EXOC3L4: variants seen among roughly 807,000 people sequenced by gnomAD.
The protein encoded by EXOC3L4 is exocyst complex component 3 like 4, also known as exocyst complex component 3-like protein 4.
EXOC3L4 carries 62 observed loss-of-function variants against 69.7 expected under a neutral mutation model. The ratio of observed to expected loss-of-function variants is 0.89; its 90% CI spans 0.72 to 1.10. EXOC3L4 has a LOEUF of 1.10. Ranked by LOEUF, EXOC3L4 falls within the 50% of genes least tolerant of loss-of-function variation. The probability of loss-of-function intolerance (pLI) is 0.00; values close to 1 mark genes in which losing one functional copy is unlikely to be tolerated. For synonymous variants in EXOC3L4, 502 were observed against 464.2 expected (o/e 1.08, Z -1.05); for missense variants, 1,087 against 1,034.8 (o/e 1.05, Z -0.69).
rs924125667 is a variant in EXOC3L4, at chr14:103,102,710, C to G, written c.987C>G (p.Arg329=). The G allele has an allele frequency of 7.5e-6, 11 of 1,459,662 alleles. No individual in the cohort carries two copies. The African/African-American group carries it at 1.6e-4, about 22-fold the overall frequency. The allele number at this position is 1,459,662 out of a possible 1,614,324, so 90.4% of individuals were successfully genotyped here. A position where few individuals can be genotyped will look rare whatever the true frequency, so the allele number is the denominator to read the frequency against. The change falls in exon 3 of 12, where the codon CGC becomes CGG. Residue 329 remains arginine (R), a synonymous_variant. Transcript: ENST00000688303. ...CCCAGCGCCTCCAGGAGCTCGCGCG[C>G]GACGCCCGCGGCTGCGAGCAGCTCT... ...AVAQRLQELA[R]DARGCEQLYI... is the part of the protein sequence containing the mutation.
intron 3 of EXOC3L4, chr14:103,103,674 T>G: frequency 1.1e-5 from 5 of 446,402 alleles, no homozygotes; most frequent in East Asian, 4.5e-5. Context: ...CTGAGCTGTG[T>G]TTGAGGAGAG....
chr14:103,104,544 C>T (rs1347639022), intron 5 of EXOC3L4, 155 bp downstream of exon 5: 3 of 1,320,576 alleles, frequency 2.3e-6, no homozygotes, highest in Non-Finnish European at 3.0e-6. Flanking sequence ...GGACCCCCGG[C>T]GCGCCGACGG....
Position 103,110,475 on chromosome 14 carries a change from G to GC in EXOC3L4, c.*254dup. On this transcript the variant is annotated 3_prime_UTR_variant, in exon 12 of 12. Coordinates refer to ENST00000688303, the MANE Select transcript of EXOC3L4 (RefSeq NM_001077594.2). The stretch of plus-strand genomic sequence containing the variant: ...AATGCTGCCTATCGGGCGGGGGGGG[G>GC]CCTCCCGCCCGACTGTCCAGCTTCA... 3.4e-6 allele frequency: 2 copies of GC among 580,282 alleles called. No individual in the cohort carries two copies. Among genetic ancestry groups the GC allele is most frequent in the Non-Finnish European group, 3.1e-6 (1 of 318,918 alleles). 35.9% of individuals were successfully genotyped at this position (580,282 alleles called of 1,614,324 possible).
chr14:103,107,755 A>G lies in EXOC3L4; in HGVS notation c.1826A>G (p.Gln609Arg). The G allele has an allele frequency of 6.5e-7, 1 of 1,539,062 alleles. No homozygotes were observed. The highest frequency in any genetic ancestry group is 2.0e-5 in the Admixed American group (1 of 50,140). Reference protein sequence around the residue: ...HGSQKMSLDAQAISDTFQGLG... With the variant: ...HGSQKMSLDARAISDTFQGLG... ...TCCCAGAAGATGAGCCTGGATGCCC[A>G]GGCCATCAGCGACACCTTCCAGGGC... Residue 609 changes from glutamine (Q) to arginine (R), a missense_variant, in exon 10 of 12, where the codon CAG becomes CGG. Gln to Arg is a conservative substitution (Grantham distance 43). Coordinates refer to ENST00000688303, the MANE Select transcript of EXOC3L4 (RefSeq NM_001077594.2).
intron 1 of EXOC3L4, among the ~76,000 whole-genome samples, chr14:103,095,043 A>T (rs1301417798): frequency 6.6e-6 from 1 of 152,232 alleles, no homozygotes; most frequent in Non-Finnish European, 1.5e-5. Context: ...GCACAGATAG[A>T]CAGACACAGA....
chr14:103,104,380 C>T lies in EXOC3L4; in HGVS notation c.1275C>T (p.Asp425=). 6.3e-7 allele frequency: 1 copy of T among 1,579,768 alleles called. No homozygotes were observed. Among genetic ancestry groups the T allele is most frequent in the Non-Finnish European group, 8.6e-7 (1 of 1,164,528 alleles). ...QGLYQAPLSM[D]VHMLVAEHVK... ...TCTACCAGGCGCCGCTGTCCATGGA[C>T]GTCCATATGGTGCGGCCCGGGAGCA... The change falls in exon 5 of 12, where the codon GAC becomes GAT. Residue 425 remains aspartate (D), a synonymous_variant. Coordinates refer to ENST00000688303, the MANE Select transcript of EXOC3L4 (RefSeq NM_001077594.2).
chr14:103,098,099 G>A (rs1889979860), intron 1 of EXOC3L4, among the ~76,000 whole-genome samples: 1 of 152,100 alleles, frequency 6.6e-6, no homozygotes, highest in Non-Finnish European at 1.5e-5. Context: ...GGCCATCTGG[G>A]GACCTCACTG....
At chr14:103,099,656 C>T (rs1460037758) in intron 1 of EXOC3L4, among the ~76,000 whole-genome samples, 1 of 152,178 alleles carries the variant, frequency 6.6e-6, no homozygotes. Context: ...AGGGGGTGGG[C>T]TCCCATGGGG....
In EXOC3L4 at chr14:103,104,843, G is replaced by C; in HGVS notation, c.1385+5G>C. The C allele has an allele frequency of 6.6e-7, 1 of 1,507,404 alleles. No homozygotes were observed. Among genetic ancestry groups the C allele is most frequent in the Non-Finnish European group, 8.9e-7 (1 of 1,120,632 alleles). The allele number at this position is 1,507,404 out of a possible 1,614,324, so 93.4% of individuals were successfully genotyped here. A position where few individuals can be genotyped will look rare whatever the true frequency, so the allele number is the denominator to read the frequency against. The stretch of plus-strand genomic sequence containing the variant: ...GCTCGGCCTCTTCGTGCCCAGGTGC[G>C]GACGCATCCTCAGTAGGGGAGCGAC... On this transcript the variant is annotated splice_donor_5th_base_variant and intron_variant, in intron 6 of 11. Transcript: ENST00000688303.
rs569011414 is a variant in EXOC3L4 at position 103,110,173 on chromosome 14, G to A, written c.2119G>A (p.Glu707Lys). ...AEAPRGRVLF[E>K]EIKVPSAMAV... The stretch of plus-strand genomic sequence containing the variant: ...GGCCCCTCGGGGCCGCGTGCTCTTC[G>A]AGGAGATCAAGGTGCCCAGTGCCAT... The change falls in exon 12 of 12, where the codon GAG becomes AAG. Residue 707 changes from glutamate (E) to lysine (K), a missense_variant. Transcript: ENST00000688303. 14 of 1,532,740 alleles carry A rather than the reference G, an allele frequency of 9.1e-6. No homozygotes were observed. Among genetic ancestry groups the A allele is most frequent in the South Asian group, 7.3e-5 (6 of 81,842 alleles). The allele number at this position is 1,532,740 out of a possible 1,614,324, so 94.9% of individuals were successfully genotyped here. A position where few individuals can be genotyped will look rare whatever the true frequency, so the allele number is the denominator to read the frequency against.
In EXOC3L4 at chr14:103,102,274, T is replaced by A; in HGVS notation, c.551T>A (p.Leu184Gln). 1.3e-6 allele frequency: 2 copies of A among 1,584,464 alleles called. No homozygotes were observed. The highest frequency in any genetic ancestry group is 1.7e-6 in the Non-Finnish European group (2 of 1,168,536). ...GCGCGGCGCGCTATGGACGTGTGCC[T>A]GCTTTACGACGGGCTGGCAGCCGAG... ...AFARRAMDVC[L>Q]LYDGLAAEIG... Residue 184 changes from leucine to glutamine, a missense_variant, in exon 3 of 12, where the codon CTG becomes CAG. Transcript: ENST00000688303.
chr14:103,109,204 C>T (rs1361533796), intron 11 of EXOC3L4, among the ~76,000 whole-genome samples: 1 of 99,248 alleles, frequency 1.0e-5, no homozygotes, highest in African/African-American at 4.4e-5. Flanking sequence ...CACCCTGTCC[C>T]CATGTCTCCC....
At chr14:103,104,104 TG>T (rs1192608302) in intron 4 of EXOC3L4, 52 bp downstream of exon 4, 8 of 1,467,380 alleles carry the variant, frequency 5.5e-6, no homozygotes, top group East Asian at 2.6e-5. Flanking sequence ...GGGCGGGCCC[TG>T]GGGGGATGTG....
At chr14:103,095,315 C>T (rs897037320) in intron 1 of EXOC3L4, among the ~76,000 whole-genome samples, 1 of 152,228 alleles carries the variant, frequency 6.6e-6, no homozygotes, top group Non-Finnish European at 1.5e-5. Context: ...CCCTGCCTTG[C>T]GGGTCTCCTG....
In EXOC3L4 at chr14:103,108,495, A is replaced by G. The variant is rs763584877; in HGVS notation, c.1954A>G (p.Ile652Val). The G allele has an allele frequency of 4.3e-6, 7 of 1,613,878 alleles. No homozygotes were observed. The highest frequency in any genetic ancestry group is 1.7e-5 in the Admixed American group (1 of 60,008). ...DDIQRHLETL[I>V]RSYPDIRRDH... ...CATCCAGCGGCACCTGGAGACTCTT[A>G]TCCGGAGCTACCCCGACATCAGGTG... is the stretch of plus-strand genomic sequence containing the variant. The change falls in exon 11 of 12, where the codon ATC becomes GTC. Residue 652 changes from isoleucine (I) to valine (V), a missense_variant. Physicochemically the swap from Ile to Val is conservative, Grantham distance 29. Transcript: ENST00000688303.
chr14:103,099,256 C>A (rs1412637954), intron 1 of EXOC3L4, among the ~76,000 whole-genome samples: 4 of 152,350 alleles, frequency 2.6e-5, no homozygotes, highest in Admixed American at 1.3e-4. Context: ...CCCCTCCCCT[C>A]TCCCAACCTA....
In EXOC3L4 at chr14:103,110,224, T is replaced by C; in HGVS notation, c.*1T>C. On this transcript the variant is annotated 3_prime_UTR_variant, in exon 12 of 12. Transcript: ENST00000688303. The stretch of plus-strand genomic sequence containing the variant: ...GGCTGTGCTGATCACCTGCGTCTAG[T>C]TCTCTCTGGCTCGAGGGGGGGCCGG... The C allele has an allele frequency of 1.3e-6, 2 of 1,504,248 alleles. No homozygotes were observed. The highest frequency in any genetic ancestry group is 1.8e-6 in the Non-Finnish European group (2 of 1,124,924). 93.2% of individuals were successfully genotyped at this position (1,504,248 alleles called of 1,614,324 possible). A position where few individuals can be genotyped will look rare whatever the true frequency, so the allele number is the denominator to read the frequency against.
In EXOC3L4 at chr14:103,108,483, C is replaced by G. The variant is rs746172335; in HGVS notation, c.1942C>G (p.Leu648Val). The G allele has an allele frequency of 3.7e-6, 6 of 1,613,862 alleles. No individual in the cohort carries two copies. The African/African-American group carries it at 8.0e-5, about 22-fold the overall frequency. Residue 648 changes from leucine (L) to valine (V), a missense_variant, in exon 11 of 12, where the codon CTG becomes GTG. Physicochemically the swap from Leu to Val is conservative, Grantham distance 32. Coordinates refer to ENST00000688303, the MANE Select transcript of EXOC3L4 (RefSeq NM_001077594.2). ...ETYKDDIQRH[L>V]ETLIRSYPDI... ...CTACAAAGATGACATCCAGCGGCAC[C>G]TGGAGACTCTTATCCGGAGCTACCC...
chr14:103,102,780 T>G lies in EXOC3L4; in HGVS notation c.1049+8T>G. ...CGCCAACGTCTACGGCAGGTGAGTC[T>G]CGGCCAGGGCGCCCAGTGGCGAGGA... On this transcript the variant is annotated splice_region_variant and intron_variant, in intron 3 of 11. Transcript: ENST00000688303. The G allele has an allele frequency of 7.5e-7, 1 of 1,332,484 alleles. No individual in the cohort carries two copies. The highest frequency in any genetic ancestry group is 9.6e-7 in the Non-Finnish European group (1 of 1,044,148). 82.5% of individuals were successfully genotyped at this position (1,332,484 alleles called of 1,614,324 possible). A position where few individuals can be genotyped will look rare whatever the true frequency, so the allele number is the denominator to read the frequency against.
Sources: allele counts gnomAD v4.1 joint callset (sites outside exome capture counted in the v4.1 genomes callset), GRCh38; gene constraint gnomAD v4.1.1; transcripts MANE v1.5; gene names NCBI Gene and HGNC (gene_info 2026-07-23, HGNC 2026-07-21).